Variants in SH3GL2 observed in about 807,000 individuals in gnomAD.
The protein encoded by SH3GL2 is SH3 domain containing GRB2 like 2, endophilin A1.
SH3GL2 carries 24 observed loss-of-function variants against 46.0 expected under a neutral mutation model. The ratio of observed to expected loss-of-function variants is 0.52; its 90% CI spans 0.38 to 0.73. SH3GL2 has a LOEUF of 0.73. SH3GL2 is among the 30% of genes least tolerant of loss of function. The pLI, the probability that SH3GL2 is intolerant of heterozygous loss-of-function variation, is 0.00. For synonymous variants in SH3GL2, 196 were observed against 147.1 expected (o/e 1.33, Z -2.40); for missense variants, 413 against 424.2 (o/e 0.97, Z 0.23).
In SH3GL2 at chr9:17,759,011, C is replaced by T. The variant is rs534709604; in HGVS notation, c.115-2426C>T. 5.7e-4 allele frequency among the ~76,000 whole-genome samples: 87 copies of T among 152,282 alleles called. 1 individual carries two copies. Among genetic ancestry groups the T allele is most frequent in the African/African-American group, 1.5e-3 (64 of 41,564 alleles). Reference sequence around the variant, plus strand: ...GGGTCTTCCCTGAGACCACTGGCTTCAGCCAAGCTAGTGGTGTCTGTTTAC... The same window carrying T: ...GGGTCTTCCCTGAGACCACTGGCTTTAGCCAAGCTAGTGGTGTCTGTTTAC... On this transcript the variant is annotated intron_variant, in intron 2 of 8. Transcript: ENST00000380607.
At chr9:17,651,343 T>C (rs7871403) in intron 1 of SH3GL2, among the ~76,000 whole-genome samples, 136,587 of 152,238 alleles carry the variant, frequency 0.9, 63,036 homozygotes, top group East Asian at 1. Context: ...CATCCACGAG[T>C]ATCTTCTTTC....
intron 1 of SH3GL2, among the ~76,000 whole-genome samples, chr9:17,721,214 A>C (rs1322616852): frequency 6.6e-6 from 1 of 152,084 alleles, no homozygotes; most frequent in Non-Finnish European, 1.5e-5. Flanking sequence ...GTGATTGAGA[A>C]AATTAACATC....
chr9:17,663,834 G>A (rs1323714627), intron 1 of SH3GL2, among the ~76,000 whole-genome samples: 1 of 152,186 alleles, frequency 6.6e-6, no homozygotes, highest in African/African-American at 2.4e-5. Context: ...CCTCTTTTCA[G>A]ATGAAATTGA....
intron 1 of SH3GL2, among the ~76,000 whole-genome samples, chr9:17,741,087 A>G (rs1041830126): frequency 1.3e-5 from 2 of 152,180 alleles, no homozygotes; most frequent in Non-Finnish European, 2.9e-5. Context: ...TTGCCCCATA[A>G]TGCAGATTAG....
intron 1 of SH3GL2, among the ~76,000 whole-genome samples, chr9:17,686,882 A>G (rs1342056352): frequency 6.6e-6 from 1 of 150,906 alleles, no homozygotes; most frequent in Non-Finnish European, 1.5e-5. Flanking sequence ...TGGCACATGT[A>G]TACATATGTA....
At chr9:17,749,497 C>G (rs1822785336) in intron 2 of SH3GL2, among the ~76,000 whole-genome samples, 2 of 152,142 alleles carry the variant, frequency 1.3e-5, no homozygotes, top group African/African-American at 4.8e-5. Flanking sequence ...TGGCCAATGT[C>G]ATGTCATTAA....
chr9:17,771,645 G>A (rs574397294), intron 3 of SH3GL2, among the ~76,000 whole-genome samples: 1 of 152,308 alleles, frequency 6.6e-6, no homozygotes, highest in South Asian at 2.1e-4. Flanking sequence ...GCTTTGCCAG[G>A]GCACTCTGTG....
chr9:17,724,558 G>T (rs1273409599), intron 1 of SH3GL2, among the ~76,000 whole-genome samples: 19 of 151,804 alleles, frequency 1.3e-4, no homozygotes, highest in Non-Finnish European at 2.8e-4. Flanking sequence ...TTTTCCTGGG[G>T]GTGTGTGTGT....
At chr9:17,721,042 C>T (rs1821882689) in intron 1 of SH3GL2, among the ~76,000 whole-genome samples, 1 of 152,096 alleles carries the variant, frequency 6.6e-6, no homozygotes, top group African/African-American at 2.4e-5. Context: ...TTTCAGGCCA[C>T]ATCTGCTCTG....
At chr9:17,674,063 A>C (rs1444503282) in intron 1 of SH3GL2, among the ~76,000 whole-genome samples, 1 of 152,158 alleles carries the variant, frequency 6.6e-6, no homozygotes, top group East Asian at 1.9e-4. Flanking sequence ...TGATCTGAGC[A>C]CTTCCTTATG....
chr9:17,638,753 C>T (rs528971229), intron 1 of SH3GL2, among the ~76,000 whole-genome samples: 41 of 152,346 alleles, frequency 2.7e-4, no homozygotes, highest in African/African-American at 9.4e-4. Context: ...CTCCCCTCAG[C>T]TAAGCTGCCA....
intron 1 of SH3GL2, among the ~76,000 whole-genome samples, chr9:17,628,105 C>A (rs570312775): frequency 1.3e-5 from 2 of 152,222 alleles, no homozygotes; most frequent in African/African-American, 4.8e-5. Flanking sequence ...GACTGTGAGA[C>A]CCTGGTGAAG....
intron 2 of SH3GL2, among the ~76,000 whole-genome samples, chr9:17,759,657 G>A (rs914644462): frequency 6.6e-6 from 1 of 152,018 alleles, no homozygotes; most frequent in Non-Finnish European, 1.5e-5. Context: ...GACAGCTTAT[G>A]GTGATGATTG....
At chr9:17,761,367 A>T in intron 2 of SH3GL2, 70 bp from the exon 3 acceptor site, 2 of 967,244 alleles carry the variant, frequency 2.1e-6, no homozygotes, top group Admixed American at 1.7e-5. Flanking sequence ...TTGTATACAG[A>T]CTCAACCAAA....
At chr9:17,721,640 G>C (rs953019769) in intron 1 of SH3GL2, among the ~76,000 whole-genome samples, 4 of 151,570 alleles carry the variant, frequency 2.6e-5, no homozygotes, top group African/African-American at 9.7e-5. Context: ...TATTTTTATG[G>C]GCAGCTATCT....
At chr9:17,762,638 G>A (rs1304680091) in intron 3 of SH3GL2, among the ~76,000 whole-genome samples, 1 of 152,146 alleles carries the variant, frequency 6.6e-6, no homozygotes, top group Non-Finnish European at 1.5e-5. Context: ...CTTATGTGAG[G>A]GAGGAAAATA....
intron 1 of SH3GL2, among the ~76,000 whole-genome samples, chr9:17,666,878 G>C (rs1820357348): frequency 6.6e-6 from 1 of 152,144 alleles, no homozygotes; most frequent in South Asian, 2.1e-4. Flanking sequence ...CACAAGCCAA[G>C]TTGTGAGAGG....
chr9:17,744,195 C>A (rs908422851), intron 1 of SH3GL2, among the ~76,000 whole-genome samples: 1 of 152,108 alleles, frequency 6.6e-6, no homozygotes, highest in South Asian at 2.1e-4. Flanking sequence ...CAAGAGGGGA[C>A]TGACATGTGA....
chr9:17,599,835 TA>T (rs939349622), intron 1 of SH3GL2, among the ~76,000 whole-genome samples: 2 of 152,280 alleles, frequency 1.3e-5, no homozygotes, highest in Middle Eastern at 3.4e-3. Flanking sequence ...TTCTTTTTCT[TA>T]AAATTTTTTT....
Sources: allele counts gnomAD v4.1 joint callset (sites outside exome capture counted in the v4.1 genomes callset), GRCh38; gene constraint gnomAD v4.1.1; transcripts MANE v1.5; gene names NCBI Gene and HGNC (gene_info 2026-07-23, HGNC 2026-07-21).